Variants in PPA2 observed in about 807,000 individuals in gnomAD.
PPA2 encodes the protein inorganic pyrophosphatase 2, mitochondrial.
PPA2 carries 48 observed loss-of-function variants against 49.5 expected under a neutral mutation model. The ratio of observed to expected loss-of-function variants is 0.97; its 90% CI spans 0.77 to 1.23. The LOEUF (loss-of-function observed/expected upper bound fraction) is 1.23, where lower values mean the gene tolerates loss of function less well. Among genes scored for constraint, PPA2 ranks in the 50% most tolerant of loss-of-function variants. The pLI is 0.00. For missense variants in PPA2, 429 were observed against 410.1 expected, an observed-to-expected ratio of 1.05 and a Z score of -0.40; for synonymous variants, 131 against 139.9, an observed-to-expected ratio of 0.94 and a Z score of 0.45.
chr4:105,375,084 G>C (rs181573125), intron 10 of PPA2, among the ~76,000 whole-genome samples: 1 of 151,522 alleles, frequency 6.6e-6, no homozygotes, highest in Non-Finnish European at 1.5e-5. Context: ...CTGATTTTTC[G>C]CTTTAGAATC....
chr4:105,383,589 A>G (rs1733576541), intron 10 of PPA2, among the ~76,000 whole-genome samples: 1 of 152,208 alleles, frequency 6.6e-6, no homozygotes, highest in Admixed American at 6.5e-5. Flanking sequence ...AGTACAAAGC[A>G]GTTAACCATA....
chr4:105,421,601 C>T (rs1723255488), intron 7 of PPA2, among the ~76,000 whole-genome samples: 1 of 152,148 alleles, frequency 6.6e-6, no homozygotes, highest in Non-Finnish European at 1.5e-5. Flanking sequence ...ATTTATACTA[C>T]AATCTCTTCT....
chr4:105,407,928 G>C (rs966122715), intron 7 of PPA2, among the ~76,000 whole-genome samples: 1 of 152,124 alleles, frequency 6.6e-6, no homozygotes, highest in East Asian at 1.9e-4. Flanking sequence ...GTTGCTAGAA[G>C]ACTATATAGT....
chr4:105,432,559 T>C (rs550319544), intron 6 of PPA2, among the ~76,000 whole-genome samples: 2 of 152,298 alleles, frequency 1.3e-5, no homozygotes, highest in South Asian at 4.1e-4. Context: ...TGGATATAAA[T>C]ATGTGGATCA....
intron 1 of PPA2, among the ~76,000 whole-genome samples, chr4:105,460,613 G>A (rs902660677): frequency 6.6e-6 from 1 of 152,080 alleles, no homozygotes; most frequent in Non-Finnish European, 1.5e-5. Context: ...TTACTTCAAC[G>A]TTCATTTGGG....
intron 7 of PPA2, among the ~76,000 whole-genome samples, chr4:105,403,673 TAAC>T (rs1722328616): frequency 6.6e-6 from 1 of 152,192 alleles, no homozygotes; most frequent in Non-Finnish European, 1.5e-5. Flanking sequence ...TTTTCTTAAC[TAAC>T]TTTGGTTTAT....
intron 9 of PPA2, among the ~76,000 whole-genome samples, chr4:105,391,406 GA>G (rs1490632285): frequency 7.5e-6 from 1 of 133,722 alleles, no homozygotes; most frequent in Non-Finnish European, 1.6e-5. Context: ...AATGTAAAAA[GA>G]AACAACTTTA....
intron 6 of PPA2, among the ~76,000 whole-genome samples, chr4:105,428,188 T>A (rs907152507): frequency 3.9e-5 from 6 of 152,168 alleles, no homozygotes; most frequent in Non-Finnish European, 7.4e-5. Context: ...TTACAAGAGC[T>A]CCTGAAGGAA....
chr4:105,473,222 C>CCCG (rs1723600120), intron 1 of PPA2: 1 of 163,772 alleles, frequency 6.1e-6, no homozygotes, highest in African/African-American at 2.5e-5. Flanking sequence ...AACTCAGGGA[C>CCCG]CCCCCCGAAG....
intron 10 of PPA2, among the ~76,000 whole-genome samples, chr4:105,375,103 A>G (rs1269593189): frequency 6.6e-6 from 1 of 151,984 alleles, no homozygotes; most frequent in Admixed American, 6.6e-5. Flanking sequence ...TCAACAATAT[A>G]GGTTCAATTC....
At chr4:105,425,840 CAG>C (rs1249188985) in intron 6 of PPA2, among the ~76,000 whole-genome samples, 1 of 151,574 alleles carries the variant, frequency 6.6e-6, no homozygotes, top group Non-Finnish European at 1.5e-5. Context: ...GTGATAGTGA[CAG>C]AGAGTAAATC....
intron 1 of PPA2, among the ~76,000 whole-genome samples, chr4:105,465,319 C>T (rs74902117): frequency 0.022 from 3,368 of 152,186 alleles, 131 homozygotes; most frequent in African/African-American, 0.076. Flanking sequence ...GTCATAATCA[C>T]GTCTATAAGT....
intron 10 of PPA2, among the ~76,000 whole-genome samples, chr4:105,378,316 T>C (rs1293356838): frequency 1.3e-5 from 2 of 152,182 alleles, no homozygotes; most frequent in East Asian, 3.8e-4. Context: ...TTCATGTGTT[T>C]CTTTGCCTTC....
At chr4:105,462,521 A>G (rs1303202653) in intron 1 of PPA2, among the ~76,000 whole-genome samples, 4 of 152,232 alleles carry the variant, frequency 2.6e-5, no homozygotes, top group Non-Finnish European at 5.9e-5. Flanking sequence ...TCATCTTTCT[A>G]AATAGCATAT....
intron 9 of PPA2, among the ~76,000 whole-genome samples, chr4:105,394,348 T>C (rs1316195688): frequency 8.6e-6 from 1 of 116,466 alleles, no homozygotes; most frequent in African/African-American, 3.2e-5. Flanking sequence ...CACTCCAACT[T>C]GGGCAATAGA....
chr4:105,458,061 C>T (rs72952282), intron 1 of PPA2, among the ~76,000 whole-genome samples: 14,760 of 152,030 alleles, frequency 0.097, 1,514 homozygotes, highest in African/African-American at 0.26. Flanking sequence ...CTGAAAGAGT[C>T]CCCAAAGGCC....
chr4:105,419,486 T>G (rs1350457943), intron 7 of PPA2, among the ~76,000 whole-genome samples: 1 of 152,228 alleles, frequency 6.6e-6, no homozygotes, highest in African/African-American at 2.4e-5. Context: ...TCAAATGTTA[T>G]TTGGACATTT....
At chr4:105,415,765 A>T (rs1560620637) in intron 7 of PPA2, among the ~76,000 whole-genome samples, 1 of 152,214 alleles carries the variant, frequency 6.6e-6, no homozygotes. Flanking sequence ...GCTGCTCCAG[A>T]CGGGCCACTG....
Position 105,438,285 on chromosome 4 carries a change from G to A in PPA2, c.442-249C>T, listed in dbSNP as rs112923507. Among the ~76,000 whole-genome samples the A allele has an allele frequency of 0.012, 1,897 of 152,272 alleles. 32 individuals are homozygous for A. The highest frequency in any genetic ancestry group is 0.034 in the African/African-American group (1,401 of 41,532). ...CATCTGCAAGTGGGTGGTATATGCA[G>A]ACATACTCATCTTCCAAGTTCAGTC... is the stretch of plus-strand genomic sequence containing the variant. On this transcript the variant is annotated intron_variant, in intron 5 of 11. Coordinates refer to ENST00000341695, the MANE Select transcript of PPA2 (RefSeq NM_176869.3).
Sources: gnomAD v4.1 joint callset for allele counts (sites outside exome capture counted in the v4.1 genomes callset) on GRCh38, gnomAD v4.1.1 for gene constraint, MANE v1.5 for transcripts, NCBI Gene and HGNC (gene_info 2026-07-23, HGNC 2026-07-21) for gene names.